NCR1: variants seen among roughly 807,000 people sequenced by gnomAD.
NCR1 encodes the protein natural cytotoxicity triggering receptor 1.
A neutral mutation model predicts 32.5 loss-of-function variants in NCR1; 30 were observed. The observed-to-expected ratio is 0.92, with a 90% CI of 0.69 to 1.25. The LOEUF (loss-of-function observed/expected upper bound fraction) is 1.25, where lower values mean the gene tolerates loss of function less well. NCR1 is among the 50% of genes most tolerant of loss of function. NCR1 has a pLI of 0.00. For synonymous variants in NCR1, 169 were observed against 143.4 expected (o/e 1.18, Z -1.28); for missense variants, 369 against 380.7 (o/e 0.97, Z 0.26).
chr19:54,922,104 G>A, the NCR1 span, among the ~76,000 whole-genome samples: 2 of 151,888 alleles, frequency 1.3e-5, no homozygotes, highest in Non-Finnish European at 2.9e-5. Flanking sequence ...CCATGTTGAG[G>A]CTGGTCTCGA....
the NCR1 span, chr19:54,923,929 T>A: frequency 1.3e-6 from 2 of 1,574,220 alleles, no homozygotes; most frequent in African/African-American, 2.7e-5. Flanking sequence ...CTACCCAGGA[T>A]GCCTGAATAT....
At chr19:54,919,565 A>T (rs939668544), downstream of NCR1, among the ~76,000 whole-genome samples, 7 of 152,012 alleles carry the variant, frequency 4.6e-5, no homozygotes, top group East Asian at 1.4e-3. Context: ...TGGAACATGA[A>T]GGCGGACTAG....
rs774114653 is a variant in NCR1 at position 54,909,304 on chromosome 19, A to T, written c.415A>T (p.Lys139Ter). Residue 139 changes from lysine (K) to a stop codon, truncating the protein, a stop_gained, in exon 4 of 7, where the codon AAG (lysine) becomes TAG (stop). Transcript: ENST00000291890. LOFTEE classifies it high-confidence loss of function. ...TGGACCCGAAGTGATCTCGGGAGAG[A>T]AGGTGACCTTCTACTGCCGTCTAGA... ...HPGPEVISGEKVTFYCRLDTA... is the reference protein window; with the variant it reads ...HPGPEVISGE The T allele has an allele frequency of 6.2e-7, 1 of 1,614,054 alleles. No homozygotes were observed. The highest frequency in any genetic ancestry group is 8.5e-7 in the Non-Finnish European group (1 of 1,179,998).
At chr19:54,906,120 G>GTATC (rs2067592321), upstream of NCR1, 1 of 1,602,870 alleles carries the variant, frequency 6.2e-7, no homozygotes, top group Non-Finnish European at 8.5e-7. Flanking sequence ...CACTTCCTGT[G>GTATC]TATCTATCTC....
chr19:54,910,094 C>G, intron 5 of NCR1, 29 bp downstream of exon 5: 2 of 1,607,822 alleles, frequency 1.2e-6, no homozygotes, highest in South Asian at 1.1e-5. Flanking sequence ...TAAGCTCAGA[C>G]GAGCGATCAG....
At position 54,912,205 on chromosome 19, in the gene NCR1, G is replaced by A. The variant is rs779961774; in HGVS notation, c.720G>A (p.Thr240=). 18 of 1,613,842 alleles carry A rather than the reference G, an allele frequency of 1.1e-5. No homozygotes were observed. The highest frequency in any genetic ancestry group is 4.5e-5 in the East Asian group (2 of 44,868). The change falls in exon 6 of 7, where the codon ACG becomes ACA. Residue 240 remains threonine (T), a synonymous_variant. Coordinates refer to ENST00000291890, the MANE Select transcript of NCR1 (RefSeq NM_004829.7). ...GCACCTACCTTTTAACCACAGAGAC[G>A]GGACTCCAGAAAGGTAAGTAGACAG... ...TWGTYLLTTE[T]GLQKDHALWD...
chr19:54,926,760 AC>A, the NCR1 span, among the ~76,000 whole-genome samples: 3 of 150,982 alleles, frequency 2.0e-5, no homozygotes, highest in African/African-American at 7.3e-5. Context: ...TACTAAAAAT[AC>A]AAAAATTAGC....
chr19:54,927,282 A>G, the NCR1 span, among the ~76,000 whole-genome samples: 1 of 146,010 alleles, frequency 6.8e-6, no homozygotes, highest in Admixed American at 6.9e-5. Context: ...TTGGGAGGCC[A>G]AGGTGGGAGA....
chr19:54,902,552 C>T (rs1602007781), upstream of NCR1, among the ~76,000 whole-genome samples: 1 of 151,996 alleles, frequency 6.6e-6, no homozygotes, highest in East Asian at 1.9e-4. Context: ...CAGGTGTGAG[C>T]CACTGCACCT....
the NCR1 span, among the ~76,000 whole-genome samples, chr19:54,926,031 C>CAGACTCCGTCTCAAAAAAA: frequency 3.7e-4 from 56 of 150,686 alleles, no homozygotes; most frequent in African/African-American, 1.3e-3. Context: ...AAAAAAAAGA[C>CAGACTCCGTCTCAAAAAAA]AGACTCCGTC....
chr19:54,918,754 G>C (rs1444533586), downstream of NCR1, among the ~76,000 whole-genome samples: 1 of 151,810 alleles, frequency 6.6e-6, no homozygotes, highest in Non-Finnish European at 1.5e-5. Context: ...GCTGAGGCAG[G>C]TGTATCGCCT....
upstream of NCR1, among the ~76,000 whole-genome samples, chr19:54,902,957 C>G (rs2067326595): frequency 6.6e-6 from 1 of 151,642 alleles, no homozygotes; most frequent in Admixed American, 6.6e-5. Flanking sequence ...TGGGGAAACC[C>G]TGTCTCTACT....
chr19:54,908,652 G>A (rs937643304), intron 3 of NCR1, among the ~76,000 whole-genome samples: 6 of 107,418 alleles, frequency 5.6e-5, no homozygotes, highest in African/African-American at 1.8e-4. Flanking sequence ...GCTGGCCGGG[G>A]CTTTTTTTTT....
chr19:54,931,740 C>T, the NCR1 span, among the ~76,000 whole-genome samples: 2 of 151,704 alleles, frequency 1.3e-5, no homozygotes, highest in Non-Finnish European at 2.9e-5. Flanking sequence ...ATCCTAGCTA[C>T]TCAGGAGGCT....
the NCR1 span, among the ~76,000 whole-genome samples, chr19:54,926,061 T>TTA: frequency 7.3e-6 from 1 of 136,248 alleles, no homozygotes; most frequent in Admixed American, 7.3e-5. Flanking sequence ...AGACTCCGTC[T>TTA]CAAAAAAAAA....
the NCR1 span, among the ~76,000 whole-genome samples, chr19:54,937,594 AAAAAAT>A: frequency 4.7e-4 from 71 of 151,222 alleles, no homozygotes; most frequent in Non-Finnish European, 7.8e-4. Context: ...TCTGTCTCAG[AAAAAAT>A]AAAAAATAAA....
intron 3 of NCR1, among the ~76,000 whole-genome samples, chr19:54,908,207 C>T (rs898101644): frequency 6.6e-6 from 1 of 152,090 alleles, no homozygotes; most frequent in African/African-American, 2.4e-5. Context: ...AGCATGCTGC[C>T]TTCAAGCATC....
rs1195010598 is a variant in NCR1, at chr19:54,909,886, G to GATCATAC, written c.635-131_635-125dup. ...GGAGGCGGGGGTTGTAGTGAACCGA[G>GATCATAC]ATCATACCACCGCACTGCAACCTGG... On this transcript the variant is annotated intron_variant, in intron 4 of 6. Coordinates refer to ENST00000291890, the MANE Select transcript of NCR1 (RefSeq NM_004829.7). 7.0e-6 allele frequency: 5 copies of GATCATAC among 710,190 alleles called. No individual in the cohort carries two copies. The African/African-American group carries it at 1.1e-4, about 15-fold the overall frequency. The allele number at this position is 710,190 out of a possible 1,614,324, so 44.0% of individuals were successfully genotyped here.
chr19:54,934,775 T>C, the NCR1 span: 1 of 822,560 alleles, frequency 1.2e-6, no homozygotes, highest in Non-Finnish European at 1.9e-6. The surrounding 1 kb of genome is among the most constrained non-coding windows in gnomAD (Gnocchi z 6.7). Flanking sequence ...AAAGGCGTGA[T>C]CTCACCTCAC....
Sources: allele counts gnomAD v4.1 joint callset (sites outside exome capture counted in the v4.1 genomes callset), GRCh38; gene constraint gnomAD v4.1.1; non-coding constraint Gnocchi (gnomAD v3.1); transcripts MANE v1.5; gene names NCBI Gene and HGNC (gene_info 2026-07-23, HGNC 2026-07-21).